Variants in TRIM2 observed in about 807,000 individuals in gnomAD.
TRIM2 encodes the protein tripartite motif-containing protein 2.
A neutral mutation model predicts 75.2 loss-of-function variants in TRIM2; 20 were observed. The observed-to-expected ratio is 0.27, with a 90% CI of 0.19 to 0.39. The LOEUF is 0.39. TRIM2 is among the 10% of genes least tolerant of loss of function. The pLI, the probability that TRIM2 is intolerant of heterozygous loss-of-function variation, is 1.00. For synonymous variants in TRIM2, 373 were observed against 388.3 expected (o/e 0.96, Z 0.46); for missense variants, 660 against 990.8 (o/e 0.67, Z 4.48).
At chr4:153,177,805 C>T (rs1316802691) in intron 1 of TRIM2, among the ~76,000 whole-genome samples, 2 of 150,102 alleles carry the variant, frequency 1.3e-5, no homozygotes, top group Non-Finnish European at 1.5e-5. Context: ...CTCTTTCTCC[C>T]TTTCCTCTCT....
At chr4:153,323,875 C>G (rs565506972) in intron 9 of TRIM2, among the ~76,000 whole-genome samples, 49 of 152,224 alleles carry the variant, frequency 3.2e-4, no homozygotes, top group Non-Finnish European at 7.1e-4. Context: ...TCAGAATAGA[C>G]TGGCGCAAGT....
intron 8 of TRIM2, among the ~76,000 whole-genome samples, chr4:153,317,881 G>A (rs1467860472): frequency 6.6e-6 from 1 of 152,140 alleles, no homozygotes; most frequent in Non-Finnish European, 1.5e-5. Context: ...GATTGCTTGA[G>A]CCCAGAAGTT....
intron 1 of TRIM2, among the ~76,000 whole-genome samples, chr4:153,242,941 C>A (rs1396610894): frequency 6.6e-6 from 1 of 152,150 alleles, no homozygotes; most frequent in Non-Finnish European, 1.5e-5. Flanking sequence ...AAGAGATGGG[C>A]GGGGGTGGAG....
Position 153,198,223 on chromosome 4 carries a change from A to G in TRIM2, c.-49+44953A>G, listed in dbSNP as rs114037599. On this transcript the variant is annotated intron_variant, in intron 1 of 11. Coordinates refer to the TRIM2 transcript ENST00000437508. ...GAGACTTAGGAGGTCTGAGCATTTG[A>G]TATGGTTTGGCTGTGACCCCACCCA... Among the ~76,000 whole-genome samples, 940 of 152,268 alleles carry G rather than the reference A, an allele frequency of 6.2e-3. 12 individuals are homozygous for G. Among genetic ancestry groups the G allele is most frequent in the African/African-American group, 0.02 (843 of 41,546 alleles).
chr4:153,260,727 T>A (rs1224069680), intron 1 of TRIM2, among the ~76,000 whole-genome samples: 21,230 of 92,402 alleles, frequency 0.23, 2,159 homozygotes, highest in African/African-American at 0.33. Context: ...CACACACACA[T>A]CATCATCATC....
At chr4:153,235,619 T>C (rs1744828990) in intron 1 of TRIM2, among the ~76,000 whole-genome samples, 1 of 152,176 alleles carries the variant, frequency 6.6e-6, no homozygotes, top group East Asian at 1.9e-4. Context: ...CTTGTGTGTA[T>C]AGAATAGTAC....
intron 6 of TRIM2, chr4:153,308,083 C>T: frequency 2.4e-6 from 2 of 837,244 alleles, no homozygotes; most frequent in Non-Finnish European, 4.2e-6. Flanking sequence ...CTATCAAATA[C>T]TTTCTGGAAG....
chr4:153,248,665 G>C lies in TRIM2; in HGVS notation c.31-21670G>C, dbSNP rs1480939454. ...ATCCAGATATGTCTCCAGAGCCCGTGCCTTAATCGCAGATGCATTCTGACT... is the reference window on the plus strand; with the variant it reads ...ATCCAGATATGTCTCCAGAGCCCGTCCCTTAATCGCAGATGCATTCTGACT... On this transcript the variant is annotated intron_variant, in intron 1 of 11. Transcript: ENST00000338700. The surrounding 1 kb of genome is among the most constrained non-coding windows in gnomAD (Gnocchi z 4.0). 6.6e-6 allele frequency among the ~76,000 whole-genome samples: 1 copy of C among 152,256 alleles called. No individual in the cohort carries two copies. The highest frequency in any genetic ancestry group is 1.5e-5 in the Non-Finnish European group (1 of 68,046).
At chr4:153,283,413 C>T (rs934861287) in intron 3 of TRIM2, among the ~76,000 whole-genome samples, 3 of 152,096 alleles carry the variant, frequency 2.0e-5, no homozygotes, top group African/African-American at 4.8e-5. Context: ...AAATAATATT[C>T]CATTATATAG....
intron 1 of TRIM2, among the ~76,000 whole-genome samples, chr4:153,184,948 AAAC>A (rs1211780758): frequency 2.6e-5 from 4 of 152,116 alleles, no homozygotes; most frequent in Non-Finnish European, 4.4e-5. Flanking sequence ...CTCTGTCTCA[AAAC>A]AACAACAACG....
At chr4:153,171,280 A>G (rs941197224) in intron 1 of TRIM2, among the ~76,000 whole-genome samples, 3 of 152,196 alleles carry the variant, frequency 2.0e-5, no homozygotes, top group Non-Finnish European at 4.4e-5. Context: ...TTAACACAGC[A>G]AAGTTTCACT....
At chr4:153,276,760 G>A (rs1758122794) in intron 3 of TRIM2, among the ~76,000 whole-genome samples, 1 of 152,206 alleles carries the variant, frequency 6.6e-6, no homozygotes, top group Admixed American at 6.5e-5. Flanking sequence ...GAGTCAGGCT[G>A]CCTGATTCAA....
chr4:153,315,731 C>T (rs1220075983), intron 7 of TRIM2, 101 bp from the exon 8 acceptor site: 10 of 1,484,092 alleles, frequency 6.7e-6, no homozygotes, highest in African/African-American at 1.4e-5. Context: ...ATAGAGTTTG[C>T]GTGTTCTGAT....
chr4:153,266,570 T>A (rs1247363314), intron 1 of TRIM2, among the ~76,000 whole-genome samples: 1 of 151,938 alleles, frequency 6.6e-6, no homozygotes, highest in African/African-American at 2.4e-5. Context: ...CTGGATCTCT[T>A]GACCTCGTGA....
intron 1 of TRIM2, among the ~76,000 whole-genome samples, chr4:153,193,542 C>T (rs1170700225): frequency 3.3e-5 from 5 of 152,194 alleles, no homozygotes; most frequent in African/African-American, 1.2e-4. Context: ...GTATATAATG[C>T]TTGCTATATG....
At chr4:153,299,357 A>G (rs1380474273) in intron 6 of TRIM2, among the ~76,000 whole-genome samples, 7 of 151,202 alleles carry the variant, frequency 4.6e-5, no homozygotes, top group Non-Finnish European at 7.4e-5. Context: ...GTGTATGTGT[A>G]TATATATATA....
chr4:153,164,959 T>A (rs945226642), intron 1 of TRIM2, among the ~76,000 whole-genome samples: 3 of 152,196 alleles, frequency 2.0e-5, no homozygotes, highest in African/African-American at 7.2e-5. Context: ...TTCATTTTTT[T>A]ATACTAGATT....
intron 1 of TRIM2, among the ~76,000 whole-genome samples, chr4:153,158,241 A>T (rs1320480966): frequency 6.6e-6 from 1 of 152,230 alleles, no homozygotes; most frequent in African/African-American, 2.4e-5. Context: ...GAAATTTCAT[A>T]CTGTTGGCTA....
At chr4:153,245,779 C>G (rs75227341) in intron 1 of TRIM2, among the ~76,000 whole-genome samples, 2 of 152,124 alleles carry the variant, frequency 1.3e-5, no homozygotes, top group Non-Finnish European at 2.9e-5. Context: ...CGGGTTCAAG[C>G]GATCCTCCCA....
Sources: gnomAD v4.1 joint callset for allele counts (sites outside exome capture counted in the v4.1 genomes callset) on GRCh38, gnomAD v4.1.1 for gene constraint, Gnocchi (gnomAD v3.1) non-coding constraint, MANE v1.5 for transcripts, NCBI Gene and HGNC (gene_info 2026-07-23, HGNC 2026-07-21) for gene names.